Variants in MYOF observed in about 807,000 individuals in gnomAD.
MYOF encodes fer-1-like 3, myoferlin.
In MYOF, 244 loss-of-function variants were observed where a neutral mutation model predicts 284.2. The ratio of observed to expected loss-of-function variants is 0.86; its 90% CI spans 0.77 to 0.95. The LOEUF (loss-of-function observed/expected upper bound fraction) is 0.95. Among genes scored for constraint, MYOF ranks in the 40% least tolerant of loss-of-function variants. MYOF has a pLI of 0.00. For missense variants in MYOF, 2,496 were observed against 2,560.6 expected, an observed-to-expected ratio of 0.97 and a Z score of 0.54; for synonymous variants, 904 against 919.7, an observed-to-expected ratio of 0.98 and a Z score of 0.31.
intron 16 of MYOF, among the ~76,000 whole-genome samples, chr10:93,394,912 A>C (rs1166360842): frequency 6.6e-6 from 1 of 150,762 alleles, no homozygotes; most frequent in Non-Finnish European, 1.5e-5. Context: ...ATGCATGTAT[A>C]TATAGTATTA....
At chr10:93,307,176 A>G (rs1842138380) in intron 53 of MYOF, among the ~76,000 whole-genome samples, 175 bp from the exon 54 acceptor site, 1 of 137,952 alleles carries the variant, frequency 7.2e-6, no homozygotes, top group Non-Finnish European at 1.6e-5. Context: ...CTACCCACCG[A>G]GTGCCAGTAG....
intron 2 of MYOF, among the ~76,000 whole-genome samples, chr10:93,454,402 T>G (rs2056681734): frequency 6.6e-6 from 1 of 152,228 alleles, no homozygotes; most frequent in African/African-American, 2.4e-5. Flanking sequence ...AGCACATCTC[T>G]CTCTGCCATT....
chr10:93,403,971 T>C, intron 9 of MYOF, 52 bp downstream of exon 9: 1 of 1,577,526 alleles, frequency 6.3e-7, no homozygotes, highest in Non-Finnish European at 8.7e-7. Flanking sequence ...ATTTCTATTA[T>C]GAAAGTTCTC....
intron 32 of MYOF, 50 bp from the exon 33 acceptor site, chr10:93,351,896 C>T (rs1379939204): frequency 6.7e-7 from 1 of 1,490,144 alleles, no homozygotes. Context: ...AAATCTAACT[C>T]CCCAGAACCA....
At chr10:93,451,000 C>A (rs1033847572) in intron 3 of MYOF, among the ~76,000 whole-genome samples, 7 of 152,174 alleles carry the variant, frequency 4.6e-5, no homozygotes, top group Admixed American at 3.9e-4. Flanking sequence ...TGTCACTAGG[C>A]AATTGACTTC....
At position 93,319,921 on chromosome 10, in the gene MYOF, A is replaced by C; in HGVS notation, c.5549T>G (p.Phe1850Cys). 1 of 1,614,204 alleles carries C rather than the reference A, an allele frequency of 6.2e-7. No homozygotes were observed. The highest frequency in any genetic ancestry group is 8.5e-7 in the Non-Finnish European group (1 of 1,180,026). Residue 1850 changes from phenylalanine to cysteine, a missense_variant, in exon 49 of 54, where the codon TTC (phenylalanine) becomes TGC (cysteine). Transcript: ENST00000359263. ...GEGNFNWRFV[F>C]PFDYLPAEQL... is the part of the protein sequence containing the mutation. ...TTCGGCTGGAAGGTAGTCAAACGGGAAAACAAATCGCCAGTTAAAATTCCC... is the reference window on the plus strand; with the variant it reads ...TTCGGCTGGAAGGTAGTCAAACGGGCAAACAAATCGCCAGTTAAAATTCCC...
At chr10:93,328,268 A>T (rs1843142746) in intron 45 of MYOF, among the ~76,000 whole-genome samples, 1 of 152,072 alleles carries the variant, frequency 6.6e-6, no homozygotes, top group Non-Finnish European at 1.5e-5. Context: ...GTCATAGTGT[A>T]GCTAGCTGTT....
At chr10:93,370,672 T>A (rs1352148812) in intron 24 of MYOF, among the ~76,000 whole-genome samples, 1 of 152,094 alleles carries the variant, frequency 6.6e-6, no homozygotes, top group Non-Finnish European at 1.5e-5. Context: ...TAATATTTTG[T>A]GTGATGAGAT....
chr10:93,440,756 C>T (rs1039599201), intron 3 of MYOF, among the ~76,000 whole-genome samples: 1 of 152,286 alleles, frequency 6.6e-6, no homozygotes, highest in South Asian at 2.1e-4. Flanking sequence ...AGAGATCACC[C>T]GCCAAAGAGC....
chr10:93,439,396 T>C (rs1259600084), intron 3 of MYOF, among the ~76,000 whole-genome samples: 2 of 152,242 alleles, frequency 1.3e-5, no homozygotes, highest in African/African-American at 4.8e-5. Flanking sequence ...CCTGCCTGCC[T>C]GCCTGCCTGC....
chr10:93,445,512 G>C (rs568308974), intron 3 of MYOF, among the ~76,000 whole-genome samples: 73 of 152,332 alleles, frequency 4.8e-4, no homozygotes, highest in Non-Finnish European at 9.3e-4. Flanking sequence ...TGACCAAGAG[G>C]CTCCTCTGTC....
At chr10:93,459,531 C>T (rs2056826966) in intron 1 of MYOF, among the ~76,000 whole-genome samples, 1 of 152,118 alleles carries the variant, frequency 6.6e-6, no homozygotes, top group Non-Finnish European at 1.5e-5. Context: ...AAGGAAACAG[C>T]CAGATTTTGA....
chr10:93,378,135 G>A (rs1456140836), intron 21 of MYOF, among the ~76,000 whole-genome samples: 1 of 152,174 alleles, frequency 6.6e-6, no homozygotes, highest in Non-Finnish European at 1.5e-5. Flanking sequence ...GGCAGAGAAA[G>A]TACAAGATAA....
chr10:93,382,707 A>G (rs114554363), intron 19 of MYOF, among the ~76,000 whole-genome samples: 2,573 of 152,228 alleles, frequency 0.017, 69 homozygotes, highest in African/African-American at 0.059. Flanking sequence ...TATGAGCCAT[A>G]TCTCCACAGA....
At chr10:93,359,721 T>A (rs569987317) in intron 29 of MYOF, 112 bp downstream of exon 29, 2 of 1,399,372 alleles carry the variant, frequency 1.4e-6, no homozygotes, top group South Asian at 1.3e-5. Flanking sequence ...TTGAGTGGAG[T>A]GTTAGGCTCT....
rs1351775123 is a variant in MYOF, at chr10:93,325,903, G to C, written c.5194C>G (p.Leu1732Val). Residue 1732 changes from leucine to valine, a missense_variant, in exon 46 of 54, where the codon CTC becomes GTC. Physicochemically the swap from Leu to Val is conservative, Grantham distance 32. This residue lies in a region of MYOF where 2,436 missense variants were observed against 2,480.7 expected (regional missense o/e 0.98). Coordinates refer to ENST00000359263, the MANE Select transcript of MYOF (RefSeq NM_013451.4). The part of the protein sequence containing the change: ...APEERLALHI[L>V]RTQGLVPEHV... Reference sequence around the variant, plus strand: ...TCAGGGACCAGCCCCTGAGTCCTGAGGATGTGAAGAGCAAGCCGCTCTTCA... The same window carrying C: ...TCAGGGACCAGCCCCTGAGTCCTGACGATGTGAAGAGCAAGCCGCTCTTCA... 6.2e-7 allele frequency: 1 copy of C among 1,614,116 alleles called. No individual in the cohort carries two copies. Among genetic ancestry groups the C allele is most frequent in the Non-Finnish European group, 8.5e-7 (1 of 1,180,030 alleles).
At chr10:93,400,030 CAAAATAAAAT>C (rs1250192635) in intron 12 of MYOF, among the ~76,000 whole-genome samples, 1 of 151,860 alleles carries the variant, frequency 6.6e-6, no homozygotes, top group Non-Finnish European at 1.5e-5. Context: ...GGCTCTATCT[CAAAATAAAAT>C]AAAATAAAAC....
intron 35 of MYOF, 82 bp downstream of exon 35, chr10:93,351,115 G>T: frequency 7.1e-7 from 1 of 1,408,924 alleles, no homozygotes; most frequent in Non-Finnish European, 9.9e-7. Flanking sequence ...TATGCAGCAG[G>T]ATTCTATGTT....
At chr10:93,456,816 C>T in intron 2 of MYOF, 66 bp downstream of exon 2, 1 of 1,236,632 alleles carries the variant, frequency 8.1e-7, no homozygotes, top group Non-Finnish European at 1.2e-6. Context: ...TAACCTCTCA[C>T]CCAAAGATAG....
Sources: allele counts gnomAD v4.1 joint callset (sites outside exome capture counted in the v4.1 genomes callset), GRCh38; gene constraint gnomAD v4.1.1; regional missense constraint gnomAD v4.1.1; transcripts MANE v1.5; gene names NCBI Gene and HGNC (gene_info 2026-07-23, HGNC 2026-07-21).